Variants in KRT80 observed in about 807,000 individuals in gnomAD.
KRT80 encodes keratin 80.
Under a neutral mutation model 51.5 loss-of-function variants are expected in KRT80, and 36 were observed. The ratio of observed to expected loss-of-function variants is 0.70; its 90% confidence interval spans 0.54 to 0.92. KRT80 has a LOEUF of 0.92. KRT80 is among the 40% of genes least tolerant of loss of function. The pLI is 0.00. For synonymous variants in KRT80, 235 were observed against 248.3 expected (o/e 0.95, Z 0.50); for missense variants, 566 against 591.7 (o/e 0.96, Z 0.45).
chr12:52,170,933 G>A lies in KRT80; in HGVS notation c.*465C>T, dbSNP rs117183164. 1,650 of 160,452 alleles carry A rather than the reference G, an allele frequency of 0.01. 10 individuals carry two copies. The highest frequency in any genetic ancestry group is 0.015 in the Non-Finnish European group (1,064 of 72,540). The allele number at this position is 160,452 out of a possible 1,614,324, so 9.9% of individuals were successfully genotyped here. On this transcript the variant is annotated 3_prime_UTR_variant, in exon 9 of 9. Coordinates refer to ENST00000394815, the MANE Select transcript of KRT80 (RefSeq NM_182507.3). ...CCAGATACAGGACAGGGCCCACGCC[G>A]TCCTCCTCGGCTCCCGCACATAGGT... is the stretch of plus-strand genomic sequence containing the variant.
chr12:52,176,260 A>G (rs1445208555), intron 4 of KRT80, among the ~76,000 whole-genome samples: 8 of 152,282 alleles, frequency 5.3e-5, no homozygotes, highest in African/African-American at 1.2e-4. Context: ...GAGGTACCCA[A>G]TGGGATGGGA....
At chr12:52,180,424 C>T (rs1941298333) in intron 4 of KRT80, 89 bp downstream of exon 4, 1 of 814,218 alleles carries the variant, frequency 1.2e-6, no homozygotes, top group Non-Finnish European at 1.8e-6. Flanking sequence ...GGTTCCATGC[C>T]CCACTGGATG....
chr12:52,171,419 C>T lies in KRT80; in HGVS notation c.1338G>A (p.Gln446=), dbSNP rs370662279. 7.7e-5 allele frequency: 124 copies of T among 1,604,782 alleles called. No individual in the cohort carries two copies. The highest frequency in any genetic ancestry group is 1.0e-4 in the Non-Finnish European group (119 of 1,175,350). The change falls in exon 9 of 9, where the codon CAG becomes CAA. Residue 446 remains glutamine (Q), a synonymous_variant. Coordinates refer to ENST00000394815, the MANE Select transcript of KRT80 (RefSeq NM_182507.3). ...CGCCTTACTCTGAGACCTCCGACTC[C>T]TGCGAGAAGTACTTCTCTGACATTT... ...ITEMSEKYFS[Q]ESEVSE is the part of the protein sequence containing the mutation.
chr12:52,173,588 G>T lies in KRT80; in HGVS notation c.831+12C>A. ...CCAGGCTGCTTCTCGTGCCCTGTGTGGTCAGCCCCACCTGGCTCCGAGAGT... is the reference window on the plus strand; with the variant it reads ...CCAGGCTGCTTCTCGTGCCCTGTGTTGTCAGCCCCACCTGGCTCCGAGAGT... On this transcript the variant is annotated intron_variant, in intron 5 of 8. Transcript: ENST00000394815. 6.2e-7 allele frequency: 1 copy of T among 1,611,422 alleles called. No individual in the cohort carries two copies. Among genetic ancestry groups the T allele is most frequent in the Non-Finnish European group, 8.5e-7 (1 of 1,179,564 alleles).
At chr12:52,185,036 G>C (rs1941381248) in intron 2 of KRT80, among the ~76,000 whole-genome samples, 1 of 152,204 alleles carries the variant, frequency 6.6e-6, no homozygotes. Flanking sequence ...ATGTGGACAA[G>C]AGCAAGTGTG....
At chr12:52,188,297 AG>A (rs1293616562) in intron 1 of KRT80, among the ~76,000 whole-genome samples, 1 of 152,222 alleles carries the variant, frequency 6.6e-6, no homozygotes, top group Non-Finnish European at 1.5e-5. Context: ...TAGCAGCTGT[AG>A]CAGGGACCTC....
intron 1 of KRT80, among the ~76,000 whole-genome samples, chr12:52,187,075 C>T (rs1261583541): frequency 6.6e-6 from 1 of 152,248 alleles, no homozygotes; most frequent in East Asian, 1.9e-4. Flanking sequence ...ATCTGCTCCC[C>T]CTTGGGGCCT....
chr12:52,179,068 C>G (rs1419803974), intron 4 of KRT80, among the ~76,000 whole-genome samples: 3 of 152,210 alleles, frequency 2.0e-5, no homozygotes, highest in Non-Finnish European at 4.4e-5. Context: ...AGAGCTTGAG[C>G]TCTGAGCTTG....
intron 4 of KRT80, among the ~76,000 whole-genome samples, chr12:52,174,403 C>T (rs976933916): frequency 6.6e-6 from 1 of 152,244 alleles, no homozygotes; most frequent in Non-Finnish European, 1.5e-5. Flanking sequence ...GGAGCCTGGG[C>T]GCAGCCTCCA....
intron 2 of KRT80, among the ~76,000 whole-genome samples, chr12:52,185,057 C>T (rs985310713): frequency 1.3e-5 from 2 of 152,180 alleles, no homozygotes; most frequent in African/African-American, 4.8e-5. Context: ...TCCATAGGTA[C>T]AAGAGGACGG....
At chr12:52,177,220 G>T (rs1235918658) in intron 4 of KRT80, among the ~76,000 whole-genome samples, 1 of 152,170 alleles carries the variant, frequency 6.6e-6, no homozygotes, top group Non-Finnish European at 1.5e-5. Context: ...AGTAGTTAAG[G>T]ATTCTCTATT....
At position 52,171,513 on chromosome 12, in the gene KRT80, C is replaced by A; in HGVS notation, c.1244G>T (p.Arg415Ile). 6.2e-7 allele frequency: 1 copy of A among 1,613,488 alleles called. No individual in the cohort carries two copies. The highest frequency in any genetic ancestry group is 8.5e-7 in the Non-Finnish European group (1 of 1,179,732). The change falls in exon 9 of 9, where the codon AGA becomes ATA. Residue 415 changes from arginine to isoleucine, a missense_variant. Arg to Ile is a moderately conservative substitution (Grantham distance 97). Transcript: ENST00000394815. Reference sequence around the variant, plus strand: ...GGAGGGGGCCTTGGAGAGGCCTGATCTGGAGGCAGCTACAGGGAACATAAG... The same window carrying A: ...GGAGGGGGCCTTGGAGAGGCCTGATATGGAGGCAGCTACAGGGAACATAAG... The part of the protein sequence containing the change: ...VQSRCKTAAS[R>I]SGLSKAPSRK...
Position 52,174,859 on chromosome 12 carries a change from G to T in KRT80, c.667-1095C>A, listed in dbSNP as rs112472319. Among the ~76,000 whole-genome samples the T allele has an allele frequency of 5.3e-5, 8 of 152,264 alleles. No individual in the cohort carries two copies. In the South Asian group the frequency reaches 6.2e-4, roughly 12 times the overall value. On this transcript the variant is annotated intron_variant, in intron 4 of 8. Transcript: ENST00000394815. ...TGTGTAGGGAGGCAGGTGGGACCAG[G>T]GATCTCTAGAGGTTGCAAAGGGCCC...
intron 4 of KRT80, among the ~76,000 whole-genome samples, chr12:52,174,588 G>A (rs560169263): frequency 3.3e-5 from 5 of 152,366 alleles, no homozygotes; most frequent in African/African-American, 9.6e-5. Flanking sequence ...TGCGCTGAGC[G>A]TTTTCCACAC....
rs748764577 is a variant in KRT80 at position 52,171,479 on chromosome 12, C to T, written c.1278G>A (p.Lys426=). 9.3e-6 allele frequency: 15 copies of T among 1,612,900 alleles called. No individual in the cohort carries two copies. Among genetic ancestry groups the T allele is most frequent in the Non-Finnish European group, 1.3e-5 (15 of 1,179,546 alleles). ...TGATCACGGGGCCTTTGCTGCCCTT[C>T]TTCTTTCGGGAGGGGGCCTTGGAGA... ...SGLSKAPSRK[K]KGSKGPVIKI... Residue 426 remains lysine (K), a synonymous_variant, in exon 9 of 9, where the codon AAG becomes AAA. Coordinates refer to ENST00000394815, the MANE Select transcript of KRT80 (RefSeq NM_182507.3).
intron 1 of KRT80, among the ~76,000 whole-genome samples, chr12:52,188,149 A>G (rs541573314): frequency 1.3e-5 from 2 of 152,200 alleles, no homozygotes; most frequent in African/African-American, 4.8e-5. Flanking sequence ...TCTCAGAACA[A>G]GGACCTGGGG....
rs1172664133 is a variant in KRT80, at chr12:52,185,408, C to A, written c.480G>T (p.Val160=). Residue 160 remains valine, a synonymous_variant, in exon 2 of 9, where the codon GTG becomes GTT. Transcript: ENST00000394815. The part of the protein sequence containing the change: ...RGQLEANLLQ[V]LEKVEEFRIR... ...TTCGAAACTCCTCAACCTTCTCCAG[C>A]ACCTGCAGCAGGTTGGCCTCCAGCT... 2 of 1,613,886 alleles carry A rather than the reference C, an allele frequency of 1.2e-6. No individual in the cohort carries two copies. Among genetic ancestry groups the A allele is most frequent in the Non-Finnish European group, 1.7e-6 (2 of 1,179,908 alleles).
chr12:52,173,732 A>G lies in KRT80; in HGVS notation c.699T>C (p.Asp233=). The G allele has an allele frequency of 6.2e-7, 1 of 1,612,076 alleles. No individual in the cohort carries two copies. Among genetic ancestry groups the G allele is most frequent in the South Asian group, 1.1e-5 (1 of 91,082 alleles). Reference sequence around the variant, plus strand: ...TGTCCATGCCGACGGTCACCGACACATCCTTCACCTGTGCTGCCAGGTCCT... The same window carrying G: ...TGTCCATGCCGACGGTCACCGACACGTCCTTCACCTGTGCTGCCAGGTCCT... ...ELKDLAAQVK[D]VSVTVGMDSR... The change falls in exon 5 of 9, where the codon GAT becomes GAC. Residue 233 remains aspartate, a synonymous_variant. Coordinates refer to ENST00000394815, the MANE Select transcript of KRT80 (RefSeq NM_182507.3).
Position 52,180,553 on chromosome 12 carries a change from A to C in KRT80, c.626T>G (p.Leu209Arg). Residue 209 changes from leucine (L) to arginine (R), a missense_variant, in exon 4 of 9, where the codon CTG becomes CGG. Transcript: ENST00000394815. Reference sequence around the variant, plus strand: ...TTTCATCAACTCCACGAAGCTCTCCAGGCTTTTTAACTTGGTTTCCAGTTC... The same window carrying C: ...TTTCATCAACTCCACGAAGCTCTCCCGGCTTTTTAACTTGGTTTCCAGTTC... ...RTELETKLKSLESFVELMKTI... is the reference protein window; with the variant it reads ...RTELETKLKSRESFVELMKTI... 6.7e-7 allele frequency: 1 copy of C among 1,487,218 alleles called. No individual in the cohort carries two copies. The highest frequency in any genetic ancestry group is 1.5e-5 in the South Asian group (1 of 68,382). The allele number at this position is 1,487,218 out of a possible 1,614,324, so 92.1% of individuals were successfully genotyped here. A position where few individuals can be genotyped will look rare whatever the true frequency, so the allele number is the denominator to read the frequency against.
Sources: gnomAD v4.1 joint callset for allele counts (sites outside exome capture counted in the v4.1 genomes callset) on GRCh38, gnomAD v4.1.1 for gene constraint, MANE v1.5 for transcripts, NCBI Gene and HGNC (gene_info 2026-07-23, HGNC 2026-07-21) for gene names.